Variants in GPR139 observed in about 807,000 individuals in gnomAD.
The protein encoded by GPR139 is G protein-coupled receptor 139.
Under a neutral mutation model 25.8 loss-of-function variants are expected in GPR139, and 12 were observed. The ratio of observed to expected loss-of-function variants is 0.47; its 90% CI spans 0.30 to 0.75. GPR139 has a LOEUF of 0.75. GPR139 is among the 30% of genes least tolerant of loss of function. The probability of loss-of-function intolerance (pLI) is 0.07; values close to 1 mark genes in which losing one functional copy is unlikely to be tolerated. For missense variants in GPR139, 380 were observed against 450.2 expected (o/e 0.84, Z 1.41); for synonymous variants, 184 against 179.9 (o/e 1.02, Z -0.18).
At chr16:20,046,228 A>G (rs369994786) in intron 1 of GPR139, among the ~76,000 whole-genome samples, 1 of 152,248 alleles carries the variant, frequency 6.6e-6, no homozygotes, top group African/African-American at 2.4e-5. Flanking sequence ...AGGAAGAATT[A>G]AATAAGATGG....
chr16:20,034,108 C>T (rs1414336283), intron 1 of GPR139, among the ~76,000 whole-genome samples: 37 of 152,024 alleles, frequency 2.4e-4, no homozygotes, highest in Admixed American at 2.4e-3. Flanking sequence ...CATTCATTCT[C>T]ACAGTCAACC....
At chr16:20,063,191 C>A (rs766597341) in intron 1 of GPR139, among the ~76,000 whole-genome samples, 10 of 152,188 alleles carry the variant, frequency 6.6e-5, no homozygotes, top group Admixed American at 2.6e-4. Flanking sequence ...TATATAACCA[C>A]CCCAGATCAC....
intron 1 of GPR139, among the ~76,000 whole-genome samples, chr16:20,054,687 TCTTC>T (rs199723951): frequency 3.9e-4 from 51 of 129,918 alleles, no homozygotes; most frequent in South Asian, 1.1e-3. Flanking sequence ...CTTCCTTCCT[TCTTC>T]CTTCCTTCCT....
At chr16:20,046,040 G>A (rs1223688742) in intron 1 of GPR139, among the ~76,000 whole-genome samples, 3 of 152,114 alleles carry the variant, frequency 2.0e-5, no homozygotes, top group Non-Finnish European at 4.4e-5. Flanking sequence ...CTTGGTTGTC[G>A]CTGTTTGATT....
chr16:20,072,250 C>T (rs374228134), intron 1 of GPR139, among the ~76,000 whole-genome samples: 7 of 152,252 alleles, frequency 4.6e-5, no homozygotes, highest in East Asian at 1.9e-4. Flanking sequence ...AGTAAACTTG[C>T]GCTTTCTCAT....
intron 1 of GPR139, chr16:20,070,871 G>T (rs1473956352): frequency 1.2e-6 from 1 of 827,084 alleles, no homozygotes; most frequent in Non-Finnish European, 1.5e-6. Context: ...GGGAAGGGAG[G>T]TGATGGGTGG....
chr16:20,054,522 G>A (rs1327020861), intron 1 of GPR139, among the ~76,000 whole-genome samples: 9 of 152,066 alleles, frequency 5.9e-5, no homozygotes, highest in Admixed American at 5.2e-4. Context: ...AAGCCCAGAC[G>A]TATCAGTAAT....
intron 1 of GPR139, among the ~76,000 whole-genome samples, chr16:20,044,379 C>A (rs143815244): frequency 4.6e-4 from 70 of 152,344 alleles, no homozygotes; most frequent in African/African-American, 1.4e-3. Context: ...AGACCCCTAT[C>A]TGCTCCTGGA....
At position 20,073,712 on chromosome 16, in the gene GPR139, G is replaced by C. The variant is rs2057469682; in HGVS notation, c.-96C>G. 9.2e-6 allele frequency: 13 copies of C among 1,416,414 alleles called. No homozygotes were observed. Among genetic ancestry groups the C allele is most frequent in the Non-Finnish European group, 9.3e-6 (10 of 1,070,362 alleles). 87.7% of individuals were successfully genotyped at this position (1,416,414 alleles called of 1,614,324 possible). On this transcript the variant is annotated 5_prime_UTR_variant, in exon 1 of 2. Transcript: ENST00000570682. The surrounding 1 kb of genome is among the most constrained non-coding windows in gnomAD (Gnocchi z 4.7). ...GGTGGCGGCGGCGGAGGCAGCGGCA[G>C]CTGGAGCAGCAGCGCCTCTCTCCCC...
intron 1 of GPR139, chr16:20,070,906 G>A (rs774637251): frequency 9.2e-5 from 90 of 977,344 alleles, no homozygotes; most frequent in Non-Finnish European, 1.1e-4. Context: ...AGCTCAACAC[G>A]CAGAGTTACA....
chr16:20,038,420 C>G (rs899922253), intron 1 of GPR139, among the ~76,000 whole-genome samples: 1 of 151,048 alleles, frequency 6.6e-6, no homozygotes, highest in East Asian at 1.9e-4. Flanking sequence ...CAGCTGAACC[C>G]TGTTTGAAGT....
rs1189397785 is a variant in GPR139 at position 20,049,595 on chromosome 16, C to A, written c.128-16926G>T. On this transcript the variant is annotated intron_variant, in intron 1 of 1. Transcript: ENST00000570682. Reference sequence around the variant, plus strand: ...GATGCTCAGAAATAGAATTCATTTCCCTATTGAATGTGATTGACAGTTTCA... The same window carrying A: ...GATGCTCAGAAATAGAATTCATTTCACTATTGAATGTGATTGACAGTTTCA... 3.3e-5 allele frequency among the ~76,000 whole-genome samples: 5 copies of A among 152,242 alleles called. No individual in the cohort carries two copies. The East Asian group carries it at 9.7e-4, about 29-fold the overall frequency.
chr16:20,028,561 G>T lies in GPR139; in HGVS notation c.*3174C>A, dbSNP rs1356914360. ...AACATTAGAGTCTTTTATTCACTTC[G>T]GGTAGGCTCCCCATGTTGAACCAGG... is the stretch of plus-strand genomic sequence containing the variant. On this transcript the variant is annotated 3_prime_UTR_variant, in exon 2 of 2. Transcript: ENST00000570682. 3.3e-5 allele frequency among the ~76,000 whole-genome samples: 5 copies of T among 151,876 alleles called. No individual in the cohort carries two copies. The highest frequency in any genetic ancestry group is 1.2e-4 in the African/African-American group (5 of 41,328).
chr16:20,060,830 C>T (rs937887387), intron 1 of GPR139, among the ~76,000 whole-genome samples: 2 of 152,066 alleles, frequency 1.3e-5, no homozygotes, highest in Non-Finnish European at 2.9e-5. Context: ...TCCCCTCCTG[C>T]CTCAGGGTTA....
At chr16:20,036,887 G>A (rs1198549127) in intron 1 of GPR139, among the ~76,000 whole-genome samples, 1 of 152,178 alleles carries the variant, frequency 6.6e-6, no homozygotes, top group African/African-American at 2.4e-5. Context: ...TATTGACTGA[G>A]AGTCCATTCA....
At chr16:20,049,572 T>C in intron 1 of GPR139, among the ~76,000 whole-genome samples, 1 of 152,268 alleles carries the variant, frequency 6.6e-6, no homozygotes, top group East Asian at 1.9e-4. Context: ...ATGGAGTAGA[T>C]GCTCAGAAAT....
At position 20,028,617 on chromosome 16, in the gene GPR139, A is replaced by G. The variant is rs2057276115; in HGVS notation, c.*3118T>C. Among the ~76,000 whole-genome samples the G allele has an allele frequency of 6.6e-6, 1 of 152,192 alleles. No individual in the cohort carries two copies. The highest frequency in any genetic ancestry group is 1.5e-5 in the Non-Finnish European group (1 of 68,036). Reference sequence around the variant, plus strand: ...CCAAATGTGCAAAGTGATCTTTTCCAATAGCAGGGTGTTTGCAACACACAA... The same window carrying G: ...CCAAATGTGCAAAGTGATCTTTTCCGATAGCAGGGTGTTTGCAACACACAA... On this transcript the variant is annotated 3_prime_UTR_variant, in exon 2 of 2. Transcript: ENST00000570682.
At chr16:20,072,666 T>C (rs2141218028) in intron 1 of GPR139, among the ~76,000 whole-genome samples, 1 of 152,164 alleles carries the variant, frequency 6.6e-6, no homozygotes, top group African/African-American at 2.4e-5. Context: ...GCAGCTCAGC[T>C]CTCTTCAGGA....
In GPR139 at chr16:20,029,729, C is replaced by T. The variant is rs2057280547; in HGVS notation, c.*2006G>A. ...GGAGATCTGTCCCTCAGTCAGACGA[C>T]TTCCATGAACTTCTTTGAGTGGAAG... On this transcript the variant is annotated 3_prime_UTR_variant, in exon 2 of 2. Transcript: ENST00000570682. Among the ~76,000 whole-genome samples the T allele has an allele frequency of 1.3e-5, 2 of 152,126 alleles. No homozygotes were observed. The highest frequency in any genetic ancestry group is 2.4e-5 in the African/African-American group (1 of 41,432).
Sources: allele counts gnomAD v4.1 joint callset (sites outside exome capture counted in the v4.1 genomes callset), GRCh38; gene constraint gnomAD v4.1.1; non-coding constraint Gnocchi (gnomAD v3.1); transcripts MANE v1.5; gene names NCBI Gene and HGNC (gene_info 2026-07-23, HGNC 2026-07-21).